Variants in KCNMA1 observed in about 807,000 individuals in gnomAD.
KCNMA1 encodes the protein Calcium-activated potassium channel subunit alpha-1.
KCNMA1 carries 29 observed loss-of-function variants against 140.0 expected under a neutral mutation model. The observed-to-expected ratio is 0.21, with a 90% CI of 0.15 to 0.28. The LOEUF (loss-of-function observed/expected upper bound fraction) is 0.28. Ranked by LOEUF, KCNMA1 falls within the 10% of genes least tolerant of loss-of-function variation. KCNMA1 has a pLI of 1.00. For synonymous variants in KCNMA1, 612 were observed against 611.9 expected (o/e 1.00, Z 0.00); for missense variants, 880 against 1,602.2 (o/e 0.55, Z 7.70).
chr10:77,493,324 C>T (rs969357280), intron 1 of KCNMA1, among the ~76,000 whole-genome samples: 4 of 152,350 alleles, frequency 2.6e-5, no homozygotes, highest in Middle Eastern at 3.4e-3. Flanking sequence ...GGAGAAGCCT[C>T]GCTGAGGGCC....
chr10:77,253,876 A>G (rs752459225), intron 2 of KCNMA1, among the ~76,000 whole-genome samples: 1 of 152,172 alleles, frequency 6.6e-6, no homozygotes, highest in Non-Finnish European at 1.5e-5. Context: ...TTATCGTGTC[A>G]GGCTTGATCA....
At chr10:77,407,593 G>C (rs2096512660) in intron 1 of KCNMA1, among the ~76,000 whole-genome samples, 2 of 152,226 alleles carry the variant, frequency 1.3e-5, no homozygotes, top group Non-Finnish European at 2.9e-5. Flanking sequence ...AAAAGGCACA[G>C]AGCCTGAGAG....
chr10:77,371,750 C>T (rs2094735203), intron 2 of KCNMA1, among the ~76,000 whole-genome samples: 1 of 152,184 alleles, frequency 6.6e-6, no homozygotes, highest in Non-Finnish European at 1.5e-5. Flanking sequence ...CAAGATGTGT[C>T]ACCACATGGC....
intron 2 of KCNMA1, among the ~76,000 whole-genome samples, chr10:77,383,030 T>TATATATATATATA (rs1566451029): frequency 1.1e-4 from 11 of 102,980 alleles, no homozygotes; most frequent in African/African-American, 4.4e-4. Context: ...ATATATATAT[T>TATATATATATATA]CCAAGTGGAG....
intron 17 of KCNMA1, among the ~76,000 whole-genome samples, chr10:77,015,288 A>T (rs768175051): frequency 5.9e-5 from 9 of 152,002 alleles, no homozygotes; most frequent in Non-Finnish European, 1.2e-4. Context: ...CCTCCTGTAC[A>T]GGTCTATGAA....
At chr10:77,629,347 T>C (rs1459735723) in intron 1 of KCNMA1, among the ~76,000 whole-genome samples, 1 of 152,216 alleles carries the variant, frequency 6.6e-6, no homozygotes, top group Admixed American at 6.5e-5. Flanking sequence ...TGTTAGCTAC[T>C]GATCAAGAGA....
At chr10:76,920,020 G>GTGTGTGTGTATATATATA (rs1177257916) in intron 23 of KCNMA1, among the ~76,000 whole-genome samples, 12 of 34,422 alleles carry the variant, frequency 3.5e-4, no homozygotes, top group African/African-American at 1.3e-3. Flanking sequence ...GTGTGTGTGT[G>GTGTGTGTGTATATATATA]TATATATATA....
rs1010067008 is a variant in KCNMA1, at chr10:77,097,709, T to A, written c.1224-7199A>T. Among the ~76,000 whole-genome samples, 18 of 152,112 alleles carry A rather than the reference T, an allele frequency of 1.2e-4. No individual in the cohort carries two copies. In the South Asian group the frequency reaches 1.2e-3, roughly 11 times the overall value. On this transcript the variant is annotated intron_variant, in intron 9 of 27. Coordinates refer to ENST00000286628, the MANE Select transcript of KCNMA1 (RefSeq NM_001161352.2). The stretch of plus-strand genomic sequence containing the variant: ...CCATTTCCTGTTAAAATAATTTTTT[T>A]AAAAAAAAGGAGGTTCAGCAATAAG...
chr10:76,896,118 G>A (rs567480385), intron 25 of KCNMA1, among the ~76,000 whole-genome samples: 186 of 152,280 alleles, frequency 1.2e-3, no homozygotes, highest in African/African-American at 4.0e-3. Context: ...TAGCAAGCCT[G>A]GGGGCGCTGC....
At chr10:77,618,696 T>C (rs983342260) in intron 1 of KCNMA1, among the ~76,000 whole-genome samples, 2 of 152,228 alleles carry the variant, frequency 1.3e-5, no homozygotes, top group Non-Finnish European at 2.9e-5. Context: ...TGGGCTTCAG[T>C]TTCCACAACT....
At chr10:77,594,755 A>C (rs1361370110) in intron 1 of KCNMA1, among the ~76,000 whole-genome samples, 1 of 152,238 alleles carries the variant, frequency 6.6e-6, no homozygotes, top group Non-Finnish European at 1.5e-5. Flanking sequence ...CCCTCCAGTT[A>C]GATGGACTGG....
intron 1 of KCNMA1, among the ~76,000 whole-genome samples, chr10:77,540,069 C>T (rs1312967468): frequency 6.6e-6 from 1 of 152,158 alleles, no homozygotes; most frequent in Non-Finnish European, 1.5e-5. Context: ...TTGGAGCATC[C>T]CCCTAATTCA....
chr10:77,183,594 G>GTACA, intron 4 of KCNMA1, 62 bp from the exon 5 acceptor site: 1 of 1,133,762 alleles, frequency 8.8e-7, no homozygotes. Context: ...GGCATCCAAT[G>GTACA]TACACTCTTT....
chr10:77,260,245 G>T (rs777618324), intron 2 of KCNMA1, among the ~76,000 whole-genome samples: 20 of 152,192 alleles, frequency 1.3e-4, no homozygotes, highest in Non-Finnish European at 2.8e-4. Flanking sequence ...GTTGAGAATA[G>T]AAGAGGACAG....
intron 2 of KCNMA1, among the ~76,000 whole-genome samples, chr10:77,343,242 C>G (rs554286489): frequency 6.6e-6 from 1 of 152,180 alleles, no homozygotes; most frequent in South Asian, 2.1e-4. Flanking sequence ...CCTCCATGGC[C>G]CCTACTATGA....
At chr10:77,510,410 C>T (rs182799366) in intron 1 of KCNMA1, among the ~76,000 whole-genome samples, 11 of 152,144 alleles carry the variant, frequency 7.2e-5, no homozygotes, top group African/African-American at 2.2e-4. Flanking sequence ...TGTGAGGATC[C>T]CAATTCAATT....
At chr10:77,474,564 T>C (rs1219517421) in intron 1 of KCNMA1, among the ~76,000 whole-genome samples, 1 of 152,134 alleles carries the variant, frequency 6.6e-6, no homozygotes, top group Non-Finnish European at 1.5e-5. Context: ...ACCCAGGCGA[T>C]GGTCCTTTGT....
At chr10:77,539,572 C>A (rs2154554660) in intron 1 of KCNMA1, among the ~76,000 whole-genome samples, 1 of 152,226 alleles carries the variant, frequency 6.6e-6, no homozygotes, top group East Asian at 1.9e-4. Context: ...CCCAGGTGTC[C>A]CCACCAAATT....
At chr10:76,883,571 T>C (rs1213973107), downstream of KCNMA1, among the ~76,000 whole-genome samples, 1 of 152,210 alleles carries the variant, frequency 6.6e-6, no homozygotes, top group African/African-American at 2.4e-5. Context: ...GCCTACTTAT[T>C]GTTCACCCCT....
Sources: allele counts gnomAD v4.1 joint callset (sites outside exome capture counted in the v4.1 genomes callset), GRCh38; gene constraint gnomAD v4.1.1; transcripts MANE v1.5; gene names NCBI Gene and HGNC (gene_info 2026-07-23, HGNC 2026-07-21).